Variants in ZRANB3 observed in about 807,000 individuals in gnomAD.
ZRANB3 encodes DNA annealing helicase and endonuclease ZRANB3.
A neutral mutation model predicts 133.8 loss-of-function variants in ZRANB3; 125 were observed. The observed-to-expected ratio is 0.93, with a 90% confidence interval of 0.81 to 1.08. The LOEUF is 1.08. Among genes scored for constraint, ZRANB3 ranks in the 50% least tolerant of loss-of-function variants. The pLI, the probability that ZRANB3 is intolerant of heterozygous loss-of-function variation, is 0.00. For synonymous variants in ZRANB3, 387 were observed against 432.7 expected, an observed-to-expected ratio of 0.89 and a Z score of 1.31; for missense variants, 1,229 against 1,275.5, an observed-to-expected ratio of 0.96 and a Z score of 0.56.
At chr2:135,329,220 T>C (rs1684006649) in intron 6 of ZRANB3, among the ~76,000 whole-genome samples, 2 of 152,360 alleles carry the variant, frequency 1.3e-5, no homozygotes, top group South Asian at 4.1e-4. Context: ...TTAATCCATC[T>C]TGAATTAATT....
intron 2 of ZRANB3, among the ~76,000 whole-genome samples, chr2:135,486,809 GGTCCCCTCTACTGAAGTCTT>G (rs1559031778): frequency 6.6e-6 from 1 of 152,054 alleles, no homozygotes; most frequent in African/African-American, 2.4e-5. Context: ...CACTGCACCC[GGTCCCCTCTACTGAAGTCTT>G]GAACCCCTGC....
chr2:135,356,639 T>C (rs1685448979), intron 3 of ZRANB3, among the ~76,000 whole-genome samples: 2 of 152,356 alleles, frequency 1.3e-5, no homozygotes, highest in Admixed American at 6.5e-5. Context: ...AGATGTTATT[T>C]TTCAGTTCTA....
chr2:135,293,434 C>T (rs1488899653), intron 8 of ZRANB3, among the ~76,000 whole-genome samples: 27 of 151,996 alleles, frequency 1.8e-4, no homozygotes, highest in African/African-American at 2.7e-4. Flanking sequence ...GTGATTTTTG[C>T]ACATTGATTT....
chr2:135,259,220 G>A (rs977216229), intron 12 of ZRANB3, among the ~76,000 whole-genome samples: 2 of 151,776 alleles, frequency 1.3e-5, no homozygotes, highest in African/African-American at 2.4e-5. Context: ...AATGAGACAA[G>A]GTCTAGCCAT....
At chr2:135,434,099 T>G (rs914524268) in intron 2 of ZRANB3, among the ~76,000 whole-genome samples, 2 of 152,048 alleles carry the variant, frequency 1.3e-5, no homozygotes, top group African/African-American at 4.8e-5. Flanking sequence ...GAGGCACGGG[T>G]TGCAGTGAGC....
At chr2:135,297,597 C>T (rs1326607238) in intron 8 of ZRANB3, among the ~76,000 whole-genome samples, 1 of 152,202 alleles carries the variant, frequency 6.6e-6, no homozygotes, top group East Asian at 1.9e-4. Flanking sequence ...CACCCACTCT[C>T]CAGCACTACC....
chr2:135,441,863 A>G (rs542110092), intron 2 of ZRANB3, among the ~76,000 whole-genome samples: 1 of 152,300 alleles, frequency 6.6e-6, no homozygotes, highest in Admixed American at 6.5e-5. Flanking sequence ...AAAAGAATGG[A>G]GTCAAAGAGA....
At chr2:135,379,765 C>T (rs144591399) in intron 3 of ZRANB3, among the ~76,000 whole-genome samples, 1 of 152,188 alleles carries the variant, frequency 6.6e-6, no homozygotes, top group African/African-American at 2.4e-5. Context: ...ACAGGCAAAA[C>T]AACCAGCTAA....
intron 12 of ZRANB3, among the ~76,000 whole-genome samples, chr2:135,252,766 T>C (rs746572997): frequency 1.3e-5 from 2 of 152,224 alleles, no homozygotes; most frequent in Non-Finnish European, 2.9e-5. Flanking sequence ...AAATCTCCAG[T>C]TTTAGACTAA....
intron 2 of ZRANB3, among the ~76,000 whole-genome samples, chr2:135,473,537 G>A (rs556458398): frequency 2.0e-5 from 3 of 148,110 alleles, no homozygotes; most frequent in Non-Finnish European, 3.0e-5. Context: ...AAGATAGCTA[G>A]TAATATGCTA....
chr2:135,314,752 CTTT>C (rs11305622), intron 7 of ZRANB3, among the ~76,000 whole-genome samples: 2 of 143,632 alleles, frequency 1.4e-5, no homozygotes. Context: ...ATTTAGAATT[CTTT>C]TTTTTTTTTT....
At chr2:135,491,807 G>A (rs1207669790) in intron 2 of ZRANB3, among the ~76,000 whole-genome samples, 3 of 152,050 alleles carry the variant, frequency 2.0e-5, no homozygotes, top group Non-Finnish European at 2.9e-5. Context: ...GAGCCACCAC[G>A]CCCAGCCACA....
At chr2:135,398,932 T>A (rs1687618655) in intron 2 of ZRANB3, among the ~76,000 whole-genome samples, 1 of 152,206 alleles carries the variant, frequency 6.6e-6, no homozygotes. Context: ...GACAACCACC[T>A]AATCACACTG....
At chr2:135,454,208 T>A (rs111506460) in intron 2 of ZRANB3, among the ~76,000 whole-genome samples, 1 of 152,310 alleles carries the variant, frequency 6.6e-6, no homozygotes, top group South Asian at 2.1e-4. Flanking sequence ...CATGTGTTAA[T>A]AGGAAATATT....
At chr2:135,479,363 G>A (rs567580664) in intron 2 of ZRANB3, among the ~76,000 whole-genome samples, 43 of 152,236 alleles carry the variant, frequency 2.8e-4, no homozygotes, top group African/African-American at 8.9e-4. Flanking sequence ...GGCCAGGCAC[G>A]GTGGCTCATG....
chr2:135,335,135 T>C lies in ZRANB3; in HGVS notation c.677+10415A>G, dbSNP rs1161901834. ...CCCATTAATTAACAATCTTTAGGTA[T>C]GTCTATAAATACTTTTAATTTGTAT... On this transcript the variant is annotated intron_variant, in intron 6 of 20. Coordinates refer to ENST00000264159, the MANE Select transcript of ZRANB3 (RefSeq NM_032143.4). Among the ~76,000 whole-genome samples the C allele has an allele frequency of 2.6e-5, 4 of 152,174 alleles. No homozygotes were observed. The East Asian group carries it at 7.7e-4, about 29-fold the overall frequency.
At chr2:135,388,084 C>T (rs950773688) in intron 3 of ZRANB3, among the ~76,000 whole-genome samples, 2 of 152,186 alleles carry the variant, frequency 1.3e-5, no homozygotes, top group African/African-American at 4.8e-5. Context: ...GCTAGGGAGG[C>T]TCCACAATCA....
chr2:135,234,915 A>T (rs1486107627), intron 12 of ZRANB3, among the ~76,000 whole-genome samples: 1 of 152,240 alleles, frequency 6.6e-6, no homozygotes, highest in Non-Finnish European at 1.5e-5. Flanking sequence ...AAAAGCCAGC[A>T]GAAGGCAAGA....
intron 4 of ZRANB3, among the ~76,000 whole-genome samples, chr2:135,352,465 G>A (rs567120838): frequency 3.9e-4 from 59 of 152,122 alleles, no homozygotes; most frequent in Admixed American, 7.2e-4. Context: ...TTTTATTGGA[G>A]AGGAGATTTA....
Sources: allele counts gnomAD v4.1 joint callset (sites outside exome capture counted in the v4.1 genomes callset), GRCh38; gene constraint gnomAD v4.1.1; transcripts MANE v1.5; gene names NCBI Gene and HGNC (gene_info 2026-07-23, HGNC 2026-07-21).